Variants in SYT1 observed in about 807,000 individuals in gnomAD.
SYT1 encodes synaptotagmin-1.
Under a neutral mutation model 44.8 loss-of-function variants are expected in SYT1, and 8 were observed. The ratio of observed to expected loss-of-function variants is 0.18; its 90% CI spans 0.10 to 0.32. The LOEUF (loss-of-function observed/expected upper bound fraction) is 0.32, where lower values mean the gene tolerates loss of function less well. Ranked by LOEUF, SYT1 falls within the 10% of genes least tolerant of loss-of-function variation. SYT1 has a pLI of 1.00. For missense variants in SYT1, 286 were observed against 509.3 expected, an observed-to-expected ratio of 0.56 and a Z score of 4.22; for synonymous variants, 154 against 188.8, an observed-to-expected ratio of 0.82 and a Z score of 1.51.
intron 8 of SYT1, among the ~76,000 whole-genome samples, chr12:79,308,638 AAGAAAGAAAGAAAG>A (rs1880594735): frequency 6.6e-6 from 1 of 151,070 alleles, no homozygotes; most frequent in Non-Finnish European, 1.5e-5. Flanking sequence ...GAAAGAAAGA[AAGAAAGAAAGAAAG>A]AAAGAAAAGA....
At chr12:79,234,712 C>CT (rs869074290) in intron 4 of SYT1, among the ~76,000 whole-genome samples, 1,847 of 28,800 alleles carry the variant, frequency 0.064, 21 homozygotes, top group African/African-American at 0.08. Flanking sequence ...TTCTTTCTTT[C>CT]TTTTTTTTTT....
chr12:79,066,599 A>G (rs1875879003), intron 3 of SYT1, among the ~76,000 whole-genome samples: 1 of 152,172 alleles, frequency 6.6e-6, no homozygotes, highest in South Asian at 2.1e-4. Context: ...TGCAGTAAAT[A>G]TTGTGAATTA....
chr12:78,947,829 G>A (rs1235725813), intron 1 of SYT1, among the ~76,000 whole-genome samples: 1 of 151,074 alleles, frequency 6.6e-6, no homozygotes, highest in Non-Finnish European at 1.5e-5. Context: ...AAAAGGTTGA[G>A]TCTCTACATG....
At chr12:79,240,738 G>T (rs1357250423) in intron 4 of SYT1, among the ~76,000 whole-genome samples, 1 of 152,164 alleles carries the variant, frequency 6.6e-6, no homozygotes, top group Non-Finnish European at 1.5e-5. Flanking sequence ...GAAATTATGA[G>T]CTAGTATACA....
At chr12:79,416,688 A>AT (rs1868761616) in intron 9 of SYT1, among the ~76,000 whole-genome samples, 1 of 152,152 alleles carries the variant, frequency 6.6e-6, no homozygotes, top group Admixed American at 6.5e-5. Context: ...GCTAAGTCTA[A>AT]TTTTTTTGCT....
intron 1 of SYT1, among the ~76,000 whole-genome samples, chr12:78,928,280 C>T (rs919690581): frequency 6.6e-6 from 1 of 152,116 alleles, no homozygotes; most frequent in Non-Finnish European, 1.5e-5. Context: ...TGTCAATCTT[C>T]CTGTTCATCT....
intron 9 of SYT1, among the ~76,000 whole-genome samples, chr12:79,410,092 TTCA>T (rs1393460666): frequency 6.6e-6 from 1 of 152,054 alleles, no homozygotes; most frequent in Non-Finnish European, 1.5e-5. Context: ...CAAAATAGTT[TTCA>T]TCATCATCAA....
chr12:79,119,289 A>G (rs971564241), intron 3 of SYT1, among the ~76,000 whole-genome samples: 6 of 152,186 alleles, frequency 3.9e-5, no homozygotes, highest in Admixed American at 6.5e-5. Flanking sequence ...CAATGCAAGT[A>G]TGCCATTTTG....
At chr12:79,105,680 A>G (rs1878675498) in intron 3 of SYT1, among the ~76,000 whole-genome samples, 1 of 152,176 alleles carries the variant, frequency 6.6e-6, no homozygotes, top group Non-Finnish European at 1.5e-5. Flanking sequence ...GGAGATCGAG[A>G]CCATCCTGGC....
At chr12:79,105,654 A>G (rs1032664729) in intron 3 of SYT1, among the ~76,000 whole-genome samples, 14 of 152,224 alleles carry the variant, frequency 9.2e-5, no homozygotes, top group African/African-American at 3.1e-4. Context: ...GCCGAGGCAG[A>G]CAGATCAGGA....
At chr12:79,424,122 C>T (rs1050625877) in intron 9 of SYT1, among the ~76,000 whole-genome samples, 5 of 151,942 alleles carry the variant, frequency 3.3e-5, no homozygotes, top group African/African-American at 7.3e-5. Flanking sequence ...TAAGGGAATT[C>T]GAATGGCACT....
intron 3 of SYT1, among the ~76,000 whole-genome samples, chr12:79,161,251 G>A (rs1199525856): frequency 6.6e-6 from 1 of 151,644 alleles, no homozygotes; most frequent in African/African-American, 2.4e-5. Context: ...AAAAAGTGGG[G>A]GATTATAAGA....
At chr12:79,396,677 G>A (rs1000321741) in intron 9 of SYT1, among the ~76,000 whole-genome samples, 22 of 152,142 alleles carry the variant, frequency 1.4e-4, no homozygotes, top group African/African-American at 4.8e-4. Flanking sequence ...AGAAAACTGT[G>A]ACTCAAATAC....
chr12:79,020,163 C>A (rs561632053), intron 2 of SYT1, among the ~76,000 whole-genome samples: 26 of 151,996 alleles, frequency 1.7e-4, no homozygotes, highest in Non-Finnish European at 3.2e-4. Flanking sequence ...GGATGTTCTT[C>A]ATCAGTATGA....
At chr12:79,200,354 G>C (rs962071529) in intron 3 of SYT1, among the ~76,000 whole-genome samples, 1 of 152,088 alleles carries the variant, frequency 6.6e-6, no homozygotes, top group East Asian at 1.9e-4. Context: ...GGTAATTACA[G>C]TGGAGTAATT....
chr12:79,412,729 T>C (rs997594359), intron 9 of SYT1, among the ~76,000 whole-genome samples: 3 of 152,224 alleles, frequency 2.0e-5, no homozygotes, highest in Non-Finnish European at 4.4e-5. Flanking sequence ...AGATAGTTTT[T>C]CTGATCAAAT....
chr12:79,001,053 C>G (rs759461952), intron 2 of SYT1, among the ~76,000 whole-genome samples: 2 of 152,088 alleles, frequency 1.3e-5, no homozygotes, highest in African/African-American at 2.4e-5. Flanking sequence ...CCATGGAATC[C>G]CTTATTTGTC....
At chr12:79,313,375 T>C (rs905095035) in intron 8 of SYT1, among the ~76,000 whole-genome samples, 1 of 152,186 alleles carries the variant, frequency 6.6e-6, no homozygotes, top group African/African-American at 2.4e-5. Flanking sequence ...AAAGGTAAAT[T>C]TCTCAAGGTT....
chr12:79,164,823 G>C (rs1871144132), intron 3 of SYT1, among the ~76,000 whole-genome samples: 1 of 151,952 alleles, frequency 6.6e-6, no homozygotes, highest in African/African-American at 2.4e-5. Context: ...ATGAACAAAG[G>C]GAAATGGTGA....
Sources: allele counts gnomAD v4.1 joint callset (sites outside exome capture counted in the v4.1 genomes callset), GRCh38; gene constraint gnomAD v4.1.1; transcripts MANE v1.5; gene names NCBI Gene and HGNC (gene_info 2026-07-23, HGNC 2026-07-21).